The following UBOX5 variants were observed in gnomAD, a reference collection of about 807,000 sequenced individuals.
The protein encoded by UBOX5 is U-box domain containing 5.
Under a neutral mutation model 39.0 loss-of-function variants are expected in UBOX5, and 28 were observed. The observed-to-expected ratio is 0.72, with a 90% confidence interval of 0.53 to 0.98. The LOEUF (loss-of-function observed/expected upper bound fraction) is 0.98, where lower values mean the gene tolerates loss of function less well. Ranked by LOEUF, UBOX5 falls within the 50% of genes least tolerant of loss-of-function variation. The pLI, the probability that UBOX5 is intolerant of heterozygous loss-of-function variation, is 0.00. For missense variants in UBOX5, 585 were observed against 674.4 expected (o/e 0.87, Z 1.47); for synonymous variants, 283 against 275.5 (o/e 1.03, Z -0.27).
At chr20:3,110,609 A>G in intron 4 of UBOX5, 1 of 443,302 alleles carries the variant, frequency 2.3e-6, no homozygotes, top group Non-Finnish European at 4.2e-6. Context: ...TCTCCCAGCA[A>G]GGTTTACTTT....
intron 1 of UBOX5, among the ~76,000 whole-genome samples, chr20:3,138,122 A>C (rs2066487025): frequency 6.6e-6 from 1 of 152,138 alleles, no homozygotes; most frequent in South Asian, 2.1e-4. Flanking sequence ...AAAACACAAA[A>C]ATTAGCCAGC....
intron 1 of UBOX5, chr20:3,147,492 C>G: frequency 6.2e-7 from 1 of 1,614,214 alleles, no homozygotes; most frequent in East Asian, 2.2e-5. Context: ...CCTCTGTAAT[C>G]TGGACACTCA....
At chr20:3,145,503 C>G (rs1202247635) in intron 1 of UBOX5, among the ~76,000 whole-genome samples, 3 of 147,946 alleles carry the variant, frequency 2.0e-5, no homozygotes, top group African/African-American at 7.5e-5. Flanking sequence ...ACAGTGGTGT[C>G]ATCTCAGCTC....
rs370373822 is a variant in UBOX5, at chr20:3,147,984, A to T, written c.-42+11782T>A. On this transcript the variant is annotated intron_variant, in intron 1 of 4. Transcript: ENST00000217173. ...ATGTGATCCACGTGAGTGAAACGGAACATTTTAACAATATTCACTAAGGAG... is the reference window on the plus strand; with the variant it reads ...ATGTGATCCACGTGAGTGAAACGGATCATTTTAACAATATTCACTAAGGAG... 117 of 1,614,104 alleles carry T rather than the reference A, an allele frequency of 7.2e-5. No homozygotes were observed. Among genetic ancestry groups the T allele is most frequent in the Non-Finnish European group, 9.4e-5 (111 of 1,180,054 alleles).
rs1202689678 is a variant in UBOX5 at position 3,149,010 on chromosome 20, CAGA to C, written c.-42+10753_-42+10755del. 6.2e-7 allele frequency: 1 copy of C among 1,613,936 alleles called. No individual in the cohort carries two copies. On this transcript the variant is annotated intron_variant, in intron 1 of 4. Coordinates refer to ENST00000217173, the MANE Select transcript of UBOX5 (RefSeq NM_014948.4). This position sits in a 1 kb window ranked among gnomAD's most constrained non-coding sequence, Gnocchi z 4.1. Reference sequence around the variant, plus strand: ...GACACACTTCGGACTGCACCAAAGGCAGAAGGACTGCAAAATGCTCGGTATCTT... The same window carrying C: ...GACACACTTCGGACTGCACCAAAGGCAGGACTGCAAAATGCTCGGTATCTT...
rs746327122 is a variant in UBOX5 at position 3,122,135 on chromosome 20, G to A, written c.504C>T (p.Ser168=). 1.2e-6 allele frequency: 2 copies of A among 1,614,246 alleles called. No homozygotes were observed. Among genetic ancestry groups the A allele is most frequent in the Admixed American group, 1.7e-5 (1 of 60,026 alleles). The change falls in exon 3 of 5, where the codon AGC becomes AGT. Residue 168 remains serine (S), a synonymous_variant. Transcript: ENST00000217173. ...TACAGATCCTTAAGTGGGCCACGTG[G>A]CTAAGGGAAAGAGCCCCTTTATTCC... ...ELWNKGALSL[S]HVAHLRICIT... is the part of the protein sequence containing the mutation.
intron 1 of UBOX5, among the ~76,000 whole-genome samples, chr20:3,129,440 T>C (rs1033348338): frequency 1.2e-4 from 19 of 152,112 alleles, no homozygotes; most frequent in African/African-American, 4.3e-4. Flanking sequence ...GCAGGACATA[T>C]CAGGTGATAA....
chr20:3,127,083 C>T (rs1195997079), intron 1 of UBOX5, among the ~76,000 whole-genome samples: 3 of 143,974 alleles, frequency 2.1e-5, no homozygotes, highest in African/African-American at 7.7e-5. Flanking sequence ...TGCAAGTAGT[C>T]ATTTTAATGG....
intron 1 of UBOX5, among the ~76,000 whole-genome samples, chr20:3,137,613 T>A (rs770544835): frequency 1.3e-5 from 2 of 152,236 alleles, no homozygotes; most frequent in African/African-American, 4.8e-5. Flanking sequence ...ACCAGCCTAC[T>A]GATACTGGTA....
intron 1 of UBOX5, among the ~76,000 whole-genome samples, chr20:3,152,297 T>C (rs910038936): frequency 3.3e-5 from 5 of 150,430 alleles, no homozygotes; most frequent in Admixed American, 1.3e-4. Flanking sequence ...CTGGCCAACA[T>C]AGTGAAACTC....
intron 1 of UBOX5, chr20:3,150,842 T>A (rs2422858): frequency 3.3e-5 from 5 of 152,210 alleles, no homozygotes; most frequent in African/African-American, 7.2e-5. Context: ...TTCTCTCACA[T>A]TAAATTTTTA....
At chr20:3,152,213 A>C (rs544074194) in intron 1 of UBOX5, among the ~76,000 whole-genome samples, 1 of 151,158 alleles carries the variant, frequency 6.6e-6, no homozygotes, top group African/African-American at 2.4e-5. Flanking sequence ...GGGCACAGTG[A>C]CTCATGTCTG....
In UBOX5 at chr20:3,115,452, C is replaced by T. The variant is rs1203704927; in HGVS notation, c.1270G>A (p.Glu424Lys). The T allele has an allele frequency of 8.1e-6, 13 of 1,613,008 alleles. No homozygotes were observed. The highest frequency in any genetic ancestry group is 3.3e-4 in the Middle Eastern group (2 of 6,070). ...MDCSTGPLSHEQKLSQSLEIA... is the reference protein window; with the variant it reads ...MDCSTGPLSHKQKLSQSLEIA... Reference sequence around the variant, plus strand: ...TCCAAGCTTTGTGACAGCTTCTGCTCGTGGGACAGTGGACCTGTCGAGAGA... The same window carrying T: ...TCCAAGCTTTGTGACAGCTTCTGCTTGTGGGACAGTGGACCTGTCGAGAGA... The change falls in exon 4 of 5, where the codon GAG becomes AAG. Residue 424 changes from glutamate to lysine, a missense_variant. Physicochemically the swap from Glu to Lys is moderately conservative, Grantham distance 56. Coordinates refer to ENST00000217173, the MANE Select transcript of UBOX5 (RefSeq NM_014948.4).
chr20:3,142,655 C>A (rs540471196), intron 1 of UBOX5, among the ~76,000 whole-genome samples: 2 of 148,324 alleles, frequency 1.3e-5, no homozygotes, highest in African/African-American at 2.5e-5. Flanking sequence ...CTCCTGTAAT[C>A]CCAGCTACTT....
At chr20:3,111,785 G>A (rs1319269603) in intron 4 of UBOX5, 1 of 152,264 alleles carries the variant, frequency 6.6e-6, no homozygotes, top group Admixed American at 6.5e-5. Context: ...AGGCTTTGCA[G>A]GTCCTGAGGG....
At chr20:3,151,493 C>T (rs917583795) in intron 1 of UBOX5, among the ~76,000 whole-genome samples, 12 of 152,150 alleles carry the variant, frequency 7.9e-5, no homozygotes, top group African/African-American at 2.9e-4. Flanking sequence ...ATGCAGATAG[C>T]CAGCTTTTTA....
At chr20:3,117,095 C>CA (rs934643476) in intron 3 of UBOX5, among the ~76,000 whole-genome samples, 423 of 139,968 alleles carry the variant, frequency 3.0e-3, no homozygotes, top group Non-Finnish European at 4.5e-3. Context: ...GACTCCATCT[C>CA]AAAAAAAAAA....
At chr20:3,140,159 T>C (rs994771310) in intron 1 of UBOX5, among the ~76,000 whole-genome samples, 1 of 151,336 alleles carries the variant, frequency 6.6e-6, no homozygotes, top group African/African-American at 2.4e-5. Context: ...GTAGCTGGGA[T>C]TATAGGCACA....
At chr20:3,155,109 G>T (rs530413057) in intron 1 of UBOX5, among the ~76,000 whole-genome samples, 34 of 151,834 alleles carry the variant, frequency 2.2e-4, no homozygotes, top group African/African-American at 8.0e-4. Context: ...TATAGTGATG[G>T]CCAGGATCAG....
Sources: gnomAD v4.1 joint callset for allele counts (sites outside exome capture counted in the v4.1 genomes callset) on GRCh38, gnomAD v4.1.1 for gene constraint, Gnocchi (gnomAD v3.1) non-coding constraint, MANE v1.5 for transcripts, NCBI Gene and HGNC (gene_info 2026-07-23, HGNC 2026-07-21) for gene names.